Variants in AHNAK observed in about 807,000 individuals in gnomAD.
The protein encoded by AHNAK is AHNAK nucleoprotein, also known as neuroblast differentiation-associated protein AHNAK.
Under a neutral mutation model 37.8 loss-of-function variants are expected in AHNAK, and 23 were observed. The observed-to-expected ratio is 0.61, with a 90% confidence interval of 0.44 to 0.86. AHNAK has a LOEUF of 0.86. Ranked by LOEUF, AHNAK falls within the 40% of genes least tolerant of loss-of-function variation. AHNAK has a pLI of 0.00. For missense variants in AHNAK, 7,411 were observed against 7,319.4 expected, an observed-to-expected ratio of 1.01 and a Z score of -0.46; for synonymous variants, 2,481 against 2,636.3, an observed-to-expected ratio of 0.94 and a Z score of 1.80.
In AHNAK at chr11:62,541,592, A is replaced by G. The variant is rs1441207483; in HGVS notation, c.-99-5025T>C. On this transcript the variant is annotated intron_variant, in intron 1 of 4. Coordinates refer to ENST00000378024, the MANE Select transcript of AHNAK (RefSeq NM_001620.3). ...GGAACAGAAAGTTCCATGTTGAAAG[A>G]AAAAAAAACCCCACACACAAGTAGA... Among the ~76,000 whole-genome samples the G allele has an allele frequency of 4.0e-5, 6 of 151,890 alleles. No homozygotes were observed. The East Asian group carries it at 1.2e-3, about 29-fold the overall frequency.
At chr11:62,491,970 A>G in intron 4 of AHNAK, 1 of 682,214 alleles carries the variant, frequency 1.5e-6, no homozygotes, top group Non-Finnish European at 2.5e-6. Flanking sequence ...ACCCCAACCC[A>G]GCCCAAGCTC....
chr11:62,529,828 A>G lies in AHNAK; in HGVS notation c.4589T>C (p.Val1530Ala). Residue 1530 changes from valine (V) to alanine (A), a missense_variant, in exon 5 of 5, where the codon GTG becomes GCG. Transcript: ENST00000378024. ...MPGFKGEGPE[V>A]DMNLPKADLG... ...GTCAGCCTTGGGCAGGTTCATATCC[A>G]CCTCTGGGCCCTCTCCTTTAAAGCC... is the stretch of plus-strand genomic sequence containing the variant. 1 of 1,613,842 alleles carries G rather than the reference A, an allele frequency of 6.2e-7. No individual in the cohort carries two copies. The highest frequency in any genetic ancestry group is 8.5e-7 in the Non-Finnish European group (1 of 1,179,968).
At chr11:62,513,576 C>G (rs1939953115), downstream of AHNAK, among the ~76,000 whole-genome samples, 1 of 151,938 alleles carries the variant, frequency 6.6e-6, no homozygotes, top group African/African-American at 2.4e-5. Context: ...ATAACTTGGA[C>G]CACCCCATCA....
In AHNAK at chr11:62,532,178, A is replaced by C. The variant is rs755872669; in HGVS notation, c.2239T>G (p.Leu747Val). 1 of 1,610,424 alleles carries C rather than the reference A, an allele frequency of 6.2e-7. No homozygotes were observed. The highest frequency in any genetic ancestry group is 1.1e-5 in the South Asian group (1 of 90,892). ...GGCATTTTCATCTTGGGCATCTTCA[A>C]GTGCCAGTCTGGGCCATGAACATCC... ...DVDVHGPDWH[L>V]KMPKMKMPKF... Residue 747 changes from leucine to valine, a missense_variant, in exon 5 of 5, where the codon TTG (leucine) becomes GTG (valine). By Grantham distance (32) the Leu-to-Val change is conservative. Transcript: ENST00000378024.
chr11:62,480,801 G>C (rs1038173169), intron 5 of AHNAK, among the ~76,000 whole-genome samples: 11 of 87,470 alleles, frequency 1.3e-4, no homozygotes, highest in African/African-American at 5.6e-4. Context: ...TCTGCGTGCA[G>C]TTAAAAAAAA....
intron 5 of AHNAK, among the ~76,000 whole-genome samples, chr11:62,447,866 G>C (rs946428517): frequency 1.1e-4 from 17 of 150,790 alleles, no homozygotes; most frequent in African/African-American, 3.6e-4. Flanking sequence ...ACACTCTAGT[G>C]GGGGAGAGAA....
rs777196585 is a variant in AHNAK at position 62,527,738 on chromosome 11, T to A, written c.6679A>T (p.Ile2227Phe). Residue 2227 changes from isoleucine (I) to phenylalanine (F), a missense_variant, in exon 5 of 5, where the codon ATT becomes TTT. Coordinates refer to ENST00000378024, the MANE Select transcript of AHNAK (RefSeq NM_001620.3). ...TGAACATCCACATCTGGGGCATCAA[T>A]GTCCACTTTGGGCCCTCTGATGTCA... is the stretch of plus-strand genomic sequence containing the variant. ...DVDIRGPKVD[I>F]DAPDVDVHGP... The A allele has an allele frequency of 6.2e-7, 1 of 1,613,994 alleles. No homozygotes were observed. The highest frequency in any genetic ancestry group is 1.7e-5 in the Admixed American group (1 of 60,022).
Position 62,531,932 on chromosome 11 carries a change from C to A in AHNAK, c.2485G>T (p.Gly829Cys), listed in dbSNP as rs751959535. 4.3e-5 allele frequency: 70 copies of A among 1,613,880 alleles called. No homozygotes were observed. The highest frequency in any genetic ancestry group is 5.0e-5 in the Non-Finnish European group (59 of 1,180,000). The change falls in exon 5 of 5, where the codon GGC becomes TGC. Residue 829 changes from glycine to cysteine, a missense_variant. Gly to Cys is a radical substitution (Grantham distance 159). Transcript: ENST00000378024. Reference protein sequence around the residue: ...SMPDVDLHLKGPNVKGEYDVT... With the variant: ...SMPDVDLHLKCPNVKGEYDVT... ...TCATATTCTCCCTTTACGTTAGGGC[C>A]TTTCAGATGTAAGTCCACATCAGGC...
chr11:62,459,461 G>A (rs1203785679), intron 5 of AHNAK, among the ~76,000 whole-genome samples: 1 of 152,052 alleles, frequency 6.6e-6, no homozygotes, highest in Admixed American at 6.6e-5. Flanking sequence ...CACTCTCCTG[G>A]AGCTCACACA....
intron 1 of AHNAK, among the ~76,000 whole-genome samples, chr11:62,537,975 C>T (rs571764390): frequency 6.6e-6 from 1 of 152,192 alleles, no homozygotes; most frequent in Admixed American, 6.5e-5. Context: ...ACCACCGCAC[C>T]CGGCCGACCG....
At position 62,519,449 on chromosome 11, in the gene AHNAK, C is replaced by T. The variant is rs757277387; in HGVS notation, c.14968G>A (p.Asp4990Asn). The change falls in exon 5 of 5, where the codon GAC becomes AAC. Residue 4990 changes from aspartate to asparagine, a missense_variant. Coordinates refer to ENST00000378024, the MANE Select transcript of AHNAK (RefSeq NM_001620.3). ...FGFGAKSPKA[D>N]IKSPSLDVTV... ...ACATCCAGTGAAGGTGACTTGATGT[C>T]AGCTTTGGGGCTTTTTGCCCCAAAT... 7 of 1,611,726 alleles carry T rather than the reference C, an allele frequency of 4.3e-6. No individual in the cohort carries two copies. The highest frequency in any genetic ancestry group is 5.9e-6 in the Non-Finnish European group (7 of 1,179,296).
At chr11:62,476,752 G>A (rs1285297907) in intron 5 of AHNAK, among the ~76,000 whole-genome samples, 1 of 152,104 alleles carries the variant, frequency 6.6e-6, no homozygotes, top group Non-Finnish European at 1.5e-5. Flanking sequence ...GACAACTGTC[G>A]ATGACCGGTG....
intron 1 of AHNAK, among the ~76,000 whole-genome samples, chr11:62,543,005 T>TA (rs1347362202): frequency 6.6e-6 from 1 of 152,090 alleles, no homozygotes; most frequent in Non-Finnish European, 1.5e-5. Flanking sequence ...GCTGAAGAGC[T>TA]ACCCCCGAGC....
chr11:62,510,298 C>G (rs1462503781), intron 4 of AHNAK, among the ~76,000 whole-genome samples: 1 of 151,956 alleles, frequency 6.6e-6, no homozygotes, highest in African/African-American at 2.4e-5. Flanking sequence ...CCCGCCTCAG[C>G]CTCCCAAAGT....
intron 4 of AHNAK, among the ~76,000 whole-genome samples, chr11:62,497,926 T>C (rs965628798): frequency 1.3e-5 from 2 of 151,300 alleles, no homozygotes; most frequent in African/African-American, 4.9e-5. Flanking sequence ...ACTGAGCCAC[T>C]GCACTCCAGC....
At chr11:62,511,985 A>T (rs1288931264), downstream of AHNAK, among the ~76,000 whole-genome samples, 3 of 152,148 alleles carry the variant, frequency 2.0e-5, no homozygotes, top group African/African-American at 7.2e-5. Context: ...AGTAACTGGG[A>T]TTACAGGTGC....
chr11:62,499,803 G>A (rs1939682515), intron 4 of AHNAK, among the ~76,000 whole-genome samples: 1 of 152,250 alleles, frequency 6.6e-6, no homozygotes, highest in Non-Finnish European at 1.5e-5. Context: ...TAAAGGGAAA[G>A]TGAGTAAGTG....
chr11:62,454,456 C>A (rs1485175190), intron 5 of AHNAK, among the ~76,000 whole-genome samples: 2 of 151,676 alleles, frequency 1.3e-5, no homozygotes, highest in African/African-American at 2.4e-5. Flanking sequence ...ACTAAGAATC[C>A]CTCCCATCTT....
chr11:62,458,939 A>G (rs1382122707), intron 5 of AHNAK, among the ~76,000 whole-genome samples: 1 of 152,190 alleles, frequency 6.6e-6, no homozygotes, highest in Non-Finnish European at 1.5e-5. Flanking sequence ...GGCCTGTCCC[A>G]CTAAGAAAGC....
Sources: allele counts gnomAD v4.1 joint callset (sites outside exome capture counted in the v4.1 genomes callset), GRCh38; gene constraint gnomAD v4.1.1; transcripts MANE v1.5; gene names NCBI Gene and HGNC (gene_info 2026-07-23, HGNC 2026-07-21).